Variants in MGRN1 observed in about 807,000 individuals in gnomAD.
MGRN1 encodes the protein E3 ubiquitin-protein ligase MGRN1.
MGRN1 carries 29 observed loss-of-function variants against 69.2 expected under a neutral mutation model. The observed-to-expected ratio is 0.42, with a 90% CI of 0.31 to 0.57. MGRN1 has a LOEUF of 0.57. Ranked by LOEUF, MGRN1 falls within the 20% of genes least tolerant of loss-of-function variation. The pLI is 0.15. For missense variants in MGRN1, 998 were observed against 796.2 expected (o/e 1.25, Z -3.05); for synonymous variants, 470 against 344.2 (o/e 1.37, Z -4.04).
At chr16:4,668,954 A>G (rs998805760) in intron 8 of MGRN1, among the ~76,000 whole-genome samples, 8 of 152,180 alleles carry the variant, frequency 5.3e-5, no homozygotes, top group African/African-American at 1.9e-4. Context: ...ACATATACAT[A>G]GACACACTCA....
At chr16:4,651,195 C>T (rs1400172830) in intron 2 of MGRN1, 1 of 152,184 alleles carries the variant, frequency 6.6e-6, no homozygotes, top group Non-Finnish European at 1.5e-5. Context: ...AGCTGGCTAA[C>T]ATCTTCCCCT....
chr16:4,627,008 T>TG lies in MGRN1; in HGVS notation c.88+1960_88+1961insG, dbSNP rs1897712232. On this transcript the variant is annotated intron_variant, in intron 1 of 16. Transcript: ENST00000262370. ...CTTGTTCTTCTCTTTGTTCATCTCT[T>TG]CTGGTCCTTGCCTTTGTGCCGCACT... Among the ~76,000 whole-genome samples, 19 of 152,354 alleles carry TG rather than the reference T, an allele frequency of 1.2e-4. No individual in the cohort carries two copies. In the South Asian group the frequency reaches 3.5e-3, roughly 28 times the overall value.
intron 16 of MGRN1, among the ~76,000 whole-genome samples, chr16:4,685,290 G>C (rs370707088): frequency 1.3e-5 from 2 of 152,252 alleles, no homozygotes; most frequent in Non-Finnish European, 2.9e-5. Flanking sequence ...GTGGCCCTGT[G>C]GGGGAGCATC....
At chr16:4,627,028 C>T (rs911317955) in intron 1 of MGRN1, among the ~76,000 whole-genome samples, 6 of 152,144 alleles carry the variant, frequency 3.9e-5, no homozygotes, top group Non-Finnish European at 8.8e-5. Flanking sequence ...GCCTTTGTGC[C>T]GCACTGGTTT....
chr16:4,687,274 A>G, intron 16 of MGRN1: 1 of 985,360 alleles, frequency 1.0e-6, no homozygotes, highest in Non-Finnish European at 1.2e-6. Flanking sequence ...GGCTCTGTCC[A>G]GGCAGTGGTT....
chr16:4,674,989 T>A (rs890963322), intron 10 of MGRN1, among the ~76,000 whole-genome samples: 3 of 152,038 alleles, frequency 2.0e-5, no homozygotes, highest in Admixed American at 6.5e-5. Context: ...TTATTTATTT[T>A]GAGACAGAGT....
At chr16:4,686,496 C>T (rs912954486) in intron 16 of MGRN1, 1 of 1,385,422 alleles carries the variant, frequency 7.2e-7, no homozygotes, top group African/African-American at 1.5e-5. Flanking sequence ...AAGTGGCCTC[C>T]TGGGGGGTCC....
At chr16:4,673,385 T>A (rs2078984355) in intron 9 of MGRN1, 113 bp from the exon 10 acceptor site, 1 of 1,403,534 alleles carries the variant, frequency 7.1e-7, no homozygotes, top group Non-Finnish European at 9.7e-7. Context: ...CTTCTCTTTG[T>A]CATGACAGCC....
chr16:4,643,594 C>G (rs865179), intron 1 of MGRN1, among the ~76,000 whole-genome samples: 2,389 of 151,840 alleles, frequency 0.016, 65 homozygotes, highest in African/African-American at 0.054. Flanking sequence ...GGATGGTCTC[C>G]ATCTCCTGAC....
At chr16:4,687,051 G>T in intron 16 of MGRN1, 1 of 985,714 alleles carries the variant, frequency 1.0e-6, no homozygotes, top group Non-Finnish European at 1.2e-6. Flanking sequence ...GGCCACCGTG[G>T]GCCTGGCATC....
intron 16 of MGRN1, chr16:4,688,361 G>T: frequency 2.0e-6 from 2 of 996,230 alleles, no homozygotes; most frequent in Non-Finnish European, 2.4e-6. Context: ...CTGAGCACGG[G>T]CTTGTTCTCA....
intron 1 of MGRN1, among the ~76,000 whole-genome samples, chr16:4,645,515 G>T (rs977291024): frequency 5.9e-5 from 9 of 152,112 alleles, no homozygotes; most frequent in African/African-American, 2.2e-4. Flanking sequence ...TAAGATCTTA[G>T]AGCCTCCAGC....
intron 16 of MGRN1, chr16:4,687,404 G>A (rs1426664802): frequency 1.1e-6 from 1 of 905,100 alleles, no homozygotes; most frequent in East Asian, 1.2e-4. Flanking sequence ...ATTGGCTTGG[G>A]CGTGGTAGCT....
chr16:4,686,612 GAC>G lies in MGRN1; in HGVS notation c.1619-2180_1619-2179del, dbSNP rs750020847. On this transcript the variant is annotated intron_variant, in intron 16 of 16. Transcript: ENST00000262370. ...CAGTCCCAGCCCAGGCAGGGAGACA[GAC>G]ACAGCCCAGGTGCGCCAGAGCCACT... 249 of 1,202,512 alleles carry G rather than the reference GAC, an allele frequency of 2.1e-4. 1 individual carries two copies. Among genetic ancestry groups the G allele is most frequent in the Non-Finnish European group, 2.0e-4 (198 of 966,450 alleles). 74.5% of individuals were successfully genotyped at this position (1,202,512 alleles called of 1,614,324 possible). A position where few individuals can be genotyped will look rare whatever the true frequency, so the allele number is the denominator to read the frequency against.
chr16:4,684,098 G>A (rs1401509184), intron 16 of MGRN1, among the ~76,000 whole-genome samples, 166 bp downstream of exon 16: 1 of 152,264 alleles, frequency 6.6e-6, no homozygotes, highest in Non-Finnish European at 1.5e-5. Context: ...GAAGCAGGAT[G>A]CGGGCCAGGG....
chr16:4,672,659 T>G (rs2078965886), intron 9 of MGRN1: 1 of 337,104 alleles, frequency 3.0e-6, no homozygotes, highest in Admixed American at 4.3e-5. Context: ...GGGGACTGTA[T>G]AAAAATGAGT....
intron 12 of MGRN1, among the ~76,000 whole-genome samples, chr16:4,681,072 T>C (rs2079171823): frequency 6.6e-6 from 1 of 152,170 alleles, no homozygotes; most frequent in African/African-American, 2.4e-5. Context: ...GGGTGCCCGT[T>C]AGAACCACCT....
intron 8 of MGRN1, among the ~76,000 whole-genome samples, chr16:4,669,900 C>T (rs1030530720): frequency 1.6e-4 from 25 of 151,730 alleles, no homozygotes; most frequent in Admixed American, 1.5e-3. Flanking sequence ...GGATGGGGTG[C>T]CCTAAACAGC....
Position 4,681,669 on chromosome 16 carries a change from A to G in MGRN1, c.1251A>G (p.Ser417=), listed in dbSNP as rs2079185280. The part of the protein sequence containing the change: ...SAPLYEEITY[S]GISDGLSQAS... The stretch of plus-strand genomic sequence containing the variant: ...CTCTTTATGAAGAAATCACCTATTC[A>G]GGCATCTCGGACGGCCTGTCCCAGG... The change falls in exon 13 of 17, where the codon TCA becomes TCG. Residue 417 remains serine (S), a synonymous_variant. Coordinates refer to ENST00000262370, the MANE Select transcript of MGRN1 (RefSeq NM_015246.4). 1 of 1,613,454 alleles carries G rather than the reference A, an allele frequency of 6.2e-7. No individual in the cohort carries two copies. Among genetic ancestry groups the G allele is most frequent in the African/African-American group, 1.3e-5 (1 of 75,060 alleles).
Sources: gnomAD v4.1 joint callset for allele counts (sites outside exome capture counted in the v4.1 genomes callset) on GRCh38, gnomAD v4.1.1 for gene constraint, MANE v1.5 for transcripts, NCBI Gene and HGNC (gene_info 2026-07-23, HGNC 2026-07-21) for gene names.